The following MAGI2 variants were observed in gnomAD, a reference collection of about 807,000 sequenced individuals.
The protein encoded by MAGI2 is membrane associated guanylate kinase, WW and PDZ domain containing 2.
Under a neutral mutation model 133.3 loss-of-function variants are expected in MAGI2, and 35 were observed. The observed-to-expected ratio is 0.26, with a 90% CI of 0.20 to 0.35. The LOEUF (loss-of-function observed/expected upper bound fraction) is 0.35, where lower values mean the gene tolerates loss of function less well. Among genes scored for constraint, MAGI2 ranks in the 10% least tolerant of loss-of-function variants. The pLI, the probability that MAGI2 is intolerant of heterozygous loss-of-function variation, is 1.00. For missense variants in MAGI2, 1,636 were observed against 1,863.4 expected, an observed-to-expected ratio of 0.88 and a Z score of 2.25; for synonymous variants, 729 against 710.6, an observed-to-expected ratio of 1.03 and a Z score of -0.41.
intron 5 of MAGI2, 145 bp downstream of exon 5, chr7:78,501,432 C>T (rs918855861): frequency 1.5e-6 from 1 of 675,074 alleles, no homozygotes; most frequent in Non-Finnish European, 2.5e-6. Flanking sequence ...AGGCACTATC[C>T]CACTATTCTC....
chr7:78,749,683 T>C (rs2151274881), intron 2 of MAGI2, among the ~76,000 whole-genome samples: 1 of 152,190 alleles, frequency 6.6e-6, no homozygotes, highest in African/African-American at 2.4e-5. Flanking sequence ...TTGGATTTTA[T>C]TTTATAGGCA....
chr7:79,437,666 G>T (rs1343134097), intron 1 of MAGI2, among the ~76,000 whole-genome samples: 1 of 152,080 alleles, frequency 6.6e-6, no homozygotes, highest in East Asian at 1.9e-4. Context: ...AAGAAGGTTG[G>T]TCTTAAATTA....
chr7:78,298,001 G>C (rs1189297560), intron 9 of MAGI2, among the ~76,000 whole-genome samples: 1 of 132,762 alleles, frequency 7.5e-6, no homozygotes, highest in African/African-American at 3.1e-5. Context: ...AAAAAGAATT[G>C]TCTGGGAAAA....
chr7:78,053,670 T>TAA (rs1448400706), intron 21 of MAGI2, among the ~76,000 whole-genome samples: 1 of 152,196 alleles, frequency 6.6e-6, no homozygotes, highest in Non-Finnish European at 1.5e-5. Context: ...CCCATTCTCA[T>TAA]AAGCTCCAAT....
chr7:79,199,842 C>T (rs556445293), intron 1 of MAGI2, among the ~76,000 whole-genome samples: 15 of 151,836 alleles, frequency 9.9e-5, no homozygotes, highest in Non-Finnish European at 1.8e-4. Flanking sequence ...CTCATTTCTG[C>T]ATTTTTTGGG....
intron 6 of MAGI2, among the ~76,000 whole-genome samples, chr7:78,430,059 T>G (rs1799646799): frequency 6.6e-6 from 1 of 152,062 alleles, no homozygotes; most frequent in African/African-American, 2.4e-5. Flanking sequence ...AATGTGTGTA[T>G]GAATCATTTG....
intron 1 of MAGI2, among the ~76,000 whole-genome samples, chr7:79,366,136 G>C (rs1236913138): frequency 6.6e-6 from 1 of 151,926 alleles, no homozygotes. Context: ...CAGCTACTCA[G>C]GAGGCTGAGG....
At chr7:78,688,818 A>G (rs111720230) in intron 2 of MAGI2, among the ~76,000 whole-genome samples, 3 of 152,226 alleles carry the variant, frequency 2.0e-5, no homozygotes, top group Non-Finnish European at 4.4e-5. Flanking sequence ...ACGCTAAAAT[A>G]CAACTGACAA....
intron 9 of MAGI2, among the ~76,000 whole-genome samples, chr7:78,328,181 T>C (rs904267653): frequency 6.6e-6 from 1 of 152,058 alleles, no homozygotes; most frequent in Non-Finnish European, 1.5e-5. Flanking sequence ...TGGCAGGTGG[T>C]TATTTTTTTT....
chr7:78,249,025 T>G (rs1792096566), intron 10 of MAGI2, among the ~76,000 whole-genome samples: 1 of 149,460 alleles, frequency 6.7e-6, no homozygotes, highest in African/African-American at 2.5e-5. Flanking sequence ...GCTTAACAGC[T>G]AAAAAAAAAT....
chr7:78,558,086 T>A (rs1793844160), intron 3 of MAGI2, among the ~76,000 whole-genome samples: 1 of 152,198 alleles, frequency 6.6e-6, no homozygotes, highest in South Asian at 2.1e-4. Context: ...AAGATCATGG[T>A]GTGTGATAAA....
chr7:78,154,038 A>G (rs1824145279), intron 16 of MAGI2, among the ~76,000 whole-genome samples: 1 of 152,192 alleles, frequency 6.6e-6, no homozygotes. Context: ...TTGCATGGTT[A>G]GTGAGGTGAG....
chr7:78,913,969 T>A (rs949512053), intron 2 of MAGI2, among the ~76,000 whole-genome samples: 1 of 152,176 alleles, frequency 6.6e-6, no homozygotes, highest in Admixed American at 6.6e-5. Flanking sequence ...ACATGTGTAT[T>A]CAAGGTGACA....
At chr7:78,070,618 G>A (rs148409743) in intron 21 of MAGI2, among the ~76,000 whole-genome samples, 4,689 of 72,150 alleles carry the variant, frequency 0.065, 87 homozygotes, top group South Asian at 0.11. Context: ...ATATATATAT[G>A]TGTGTGTGTG....
intron 1 of MAGI2, among the ~76,000 whole-genome samples, chr7:79,147,146 T>A (rs1024699424): frequency 2.6e-5 from 4 of 152,198 alleles, no homozygotes; most frequent in Admixed American, 2.0e-4. Flanking sequence ...CTGCATAGGA[T>A]TTTGACGAGG....
rs138977039 is a variant in MAGI2 at position 79,370,844 on chromosome 7, C to T, written c.301+82176G>A. On this transcript the variant is annotated intron_variant, in intron 1 of 21. Coordinates refer to ENST00000354212, the MANE Select transcript of MAGI2 (RefSeq NM_012301.4). ...TTCATAACAGAAACACGGCACTCCCCTAAAATATTCCTCTTTCACTTCTGA... is the reference window on the plus strand; with the variant it reads ...TTCATAACAGAAACACGGCACTCCCTTAAAATATTCCTCTTTCACTTCTGA... Among the ~76,000 whole-genome samples, 355 of 152,104 alleles carry T rather than the reference C, an allele frequency of 2.3e-3. 2 individuals carry two copies. Among genetic ancestry groups the T allele is most frequent in the African/African-American group, 8.0e-3 (333 of 41,528 alleles).
At chr7:79,046,932 T>C (rs1235192206) in intron 1 of MAGI2, among the ~76,000 whole-genome samples, 1 of 152,248 alleles carries the variant, frequency 6.6e-6, no homozygotes, top group Admixed American at 6.5e-5. Context: ...GAAATGCAGC[T>C]GAGGTCTTGT....
chr7:78,743,351 A>G (rs1412453841), intron 2 of MAGI2, among the ~76,000 whole-genome samples: 4 of 152,210 alleles, frequency 2.6e-5, no homozygotes, highest in Non-Finnish European at 5.9e-5. Flanking sequence ...CAAGTGCTAA[A>G]TGGTTTAGCT....
At chr7:78,559,798 A>G (rs888416577) in intron 3 of MAGI2, among the ~76,000 whole-genome samples, 1 of 152,144 alleles carries the variant, frequency 6.6e-6, no homozygotes, top group Non-Finnish European at 1.5e-5. Flanking sequence ...TTTTTGATAA[A>G]ACTGATATGG....
Sources: allele counts gnomAD v4.1 joint callset (sites outside exome capture counted in the v4.1 genomes callset), GRCh38; gene constraint gnomAD v4.1.1; transcripts MANE v1.5; gene names NCBI Gene and HGNC (gene_info 2026-07-23, HGNC 2026-07-21).